The following IMMP2L variants were observed in gnomAD, a reference collection of about 807,000 sequenced individuals.
IMMP2L encodes inner mitochondrial membrane peptidase subunit 2.
A neutral mutation model predicts 19.3 loss-of-function variants in IMMP2L; 18 were observed. The ratio of observed to expected loss-of-function variants is 0.93; its 90% CI spans 0.64 to 1.38. The LOEUF is 1.38. Among genes scored for constraint, IMMP2L ranks in the 40% most tolerant of loss-of-function variants. The pLI, the probability that IMMP2L is intolerant of heterozygous loss-of-function variation, is 0.00. For synonymous variants in IMMP2L, 76 were observed against 73.0 expected (o/e 1.04, Z -0.21); for missense variants, 233 against 218.2 (o/e 1.07, Z -0.43).
intron 2 of IMMP2L, among the ~76,000 whole-genome samples, chr7:111,518,736 C>T (rs112670386): frequency 0.023 from 3,452 of 152,194 alleles, 140 homozygotes; most frequent in African/African-American, 0.079. Context: ...GATTTACTGG[C>T]ATCTAGTGAA....
chr7:111,306,455 G>GA (rs1407777943), intron 3 of IMMP2L, among the ~76,000 whole-genome samples: 1 of 152,048 alleles, frequency 6.6e-6, no homozygotes, highest in East Asian at 1.9e-4. Flanking sequence ...ATTTCTCTGT[G>GA]AAACTAAAAC....
At chr7:110,766,567 T>C (rs1246228040) in intron 5 of IMMP2L, among the ~76,000 whole-genome samples, 1 of 134,186 alleles carries the variant, frequency 7.5e-6, no homozygotes, top group African/African-American at 2.9e-5. Flanking sequence ...TGTGTGACAG[T>C]GTGAGACTTC....
At chr7:110,792,791 T>C (rs191728112) in intron 5 of IMMP2L, among the ~76,000 whole-genome samples, 28 of 152,208 alleles carry the variant, frequency 1.8e-4, no homozygotes, top group African/African-American at 6.3e-4. Context: ...TCCACCATTA[T>C]AGTATCATAC....
chr7:111,387,613 T>G lies in IMMP2L; in HGVS notation c.239+99625A>C, dbSNP rs148299025. Among the ~76,000 whole-genome samples, 7 of 152,282 alleles carry G rather than the reference T, an allele frequency of 4.6e-5. No homozygotes were observed. In the East Asian group the frequency reaches 7.7e-4, roughly 17 times the overall value. On this transcript the variant is annotated intron_variant, in intron 3 of 5. Transcript: ENST00000405709. ...AGCATGTATGCCAGTGTTATTGCCT[T>G]GCATAACAGAATCTTAAGCTAAGCA...
intron 3 of IMMP2L, among the ~76,000 whole-genome samples, chr7:111,101,079 A>T (rs1372260051): frequency 6.6e-6 from 1 of 151,540 alleles, no homozygotes; most frequent in African/African-American, 2.4e-5. Flanking sequence ...TGCTAGCAGT[A>T]TATCGAATTC....
At chr7:110,999,040 A>G (rs2129560849) in intron 3 of IMMP2L, among the ~76,000 whole-genome samples, 1 of 152,234 alleles carries the variant, frequency 6.6e-6, no homozygotes, top group East Asian at 1.9e-4. Flanking sequence ...TTTAAGTTGG[A>G]AAATAGATTT....
At chr7:111,551,497 T>TGTGTGG (rs772769392) in intron 1 of IMMP2L, among the ~76,000 whole-genome samples, 2 of 36,620 alleles carry the variant, frequency 5.5e-5, no homozygotes, top group African/African-American at 1.4e-4. Flanking sequence ...CTGTTAGAGG[T>TGTGTGG]GTGTGTGTGT....
At chr7:111,066,437 G>A (rs528055143) in intron 3 of IMMP2L, among the ~76,000 whole-genome samples, 2 of 152,068 alleles carry the variant, frequency 1.3e-5, no homozygotes, top group South Asian at 2.1e-4. Flanking sequence ...CAAAGCAGAA[G>A]GCATTGGAAA....
chr7:111,469,720 A>G (rs994215605), intron 3 of IMMP2L, among the ~76,000 whole-genome samples: 2 of 152,166 alleles, frequency 1.3e-5, no homozygotes, highest in African/African-American at 4.8e-5. Context: ...TACAAAAATT[A>G]ATTCAACATG....
At position 110,789,356 on chromosome 7, in the gene IMMP2L, G is replaced by T. The variant is rs980235178; in HGVS notation, c.408+97237C>A. 3.0e-4 allele frequency among the ~76,000 whole-genome samples: 46 copies of T among 151,702 alleles called. 2 individuals are homozygous for T. Among genetic ancestry groups the T allele is most frequent in the African/African-American group, 1.1e-3 (46 of 41,094 alleles). On this transcript the variant is annotated intron_variant, in intron 5 of 5. Coordinates refer to ENST00000405709, the MANE Select transcript of IMMP2L (RefSeq NM_032549.4). ...ATGGAACAGATTTACCAGTTGCTCAGAACAACTTGTACTCATCTTTAGCTT... is the reference window on the plus strand; with the variant it reads ...ATGGAACAGATTTACCAGTTGCTCATAACAACTTGTACTCATCTTTAGCTT...
At chr7:111,494,623 C>T (rs1040480953) in intron 2 of IMMP2L, among the ~76,000 whole-genome samples, 7 of 152,100 alleles carry the variant, frequency 4.6e-5, no homozygotes, top group African/African-American at 1.7e-4. Flanking sequence ...TTACTTTAAA[C>T]AGATTATTTA....
chr7:111,385,031 T>C (rs763981070), intron 3 of IMMP2L, among the ~76,000 whole-genome samples: 37 of 152,232 alleles, frequency 2.4e-4, no homozygotes, highest in Non-Finnish European at 4.4e-4. Context: ...AATGAACAAA[T>C]GCCTATTTTG....
chr7:111,207,518 T>C (rs1358243912), intron 3 of IMMP2L, among the ~76,000 whole-genome samples: 2 of 150,852 alleles, frequency 1.3e-5, no homozygotes, highest in Non-Finnish European at 2.9e-5. Flanking sequence ...TTTCTTTCTT[T>C]TTCGTTTTAT....
intron 3 of IMMP2L, among the ~76,000 whole-genome samples, chr7:111,442,303 A>G (rs1585114585): frequency 6.6e-6 from 1 of 151,992 alleles, no homozygotes; most frequent in East Asian, 1.9e-4. Flanking sequence ...CACTAAGTAT[A>G]GTTCTACTTC....
chr7:111,534,441 T>C (rs533599103), intron 1 of IMMP2L, among the ~76,000 whole-genome samples: 20 of 152,086 alleles, frequency 1.3e-4, no homozygotes, highest in Non-Finnish European at 2.5e-4. Context: ...ATCATCCTCA[T>C]CGTCATCCTT....
chr7:110,782,887 T>C (rs191070336), intron 5 of IMMP2L, among the ~76,000 whole-genome samples: 111 of 151,880 alleles, frequency 7.3e-4, no homozygotes, highest in Non-Finnish European at 1.5e-3. Flanking sequence ...TGTAGAAAGA[T>C]CAGAAAAGAT....
intron 3 of IMMP2L, among the ~76,000 whole-genome samples, chr7:111,084,040 G>A (rs1226495041): frequency 1.3e-5 from 2 of 152,148 alleles, no homozygotes; most frequent in African/African-American, 4.8e-5. Context: ...CTGTGTTGTG[G>A]AGGAAGGGAA....
At chr7:111,132,206 T>G (rs772898756) in intron 3 of IMMP2L, among the ~76,000 whole-genome samples, 8 of 151,944 alleles carry the variant, frequency 5.3e-5, no homozygotes, top group Non-Finnish European at 1.2e-4. Context: ...AAATAAAACC[T>G]TTAAAATAGG....
chr7:111,374,339 C>T (rs1438371039), intron 3 of IMMP2L, among the ~76,000 whole-genome samples: 1 of 151,896 alleles, frequency 6.6e-6, no homozygotes, highest in Non-Finnish European at 1.5e-5. Flanking sequence ...CTAGACTAGG[C>T]TGGTAACTTA....
Sources: allele counts gnomAD v4.1 joint callset (sites outside exome capture counted in the v4.1 genomes callset), GRCh38; gene constraint gnomAD v4.1.1; transcripts MANE v1.5; gene names NCBI Gene and HGNC (gene_info 2026-07-23, HGNC 2026-07-21).